The following SLC36A1 variants were observed in gnomAD, a reference collection of about 807,000 sequenced individuals.
The protein encoded by SLC36A1 is solute carrier family 36 member 1.
Under a neutral mutation model 47.5 loss-of-function variants are expected in SLC36A1, and 30 were observed. The ratio of observed to expected loss-of-function variants is 0.63; its 90% CI spans 0.47 to 0.86. SLC36A1 has a LOEUF of 0.86. Among genes scored for constraint, SLC36A1 ranks in the 40% least tolerant of loss-of-function variants. The probability of loss-of-function intolerance (pLI) is 0.00; values close to 1 mark genes in which losing one functional copy is unlikely to be tolerated. For synonymous variants in SLC36A1, 255 were observed against 249.7 expected (o/e 1.02, Z -0.20); for missense variants, 517 against 606.0 (o/e 0.85, Z 1.54).
upstream of SLC36A1, among the ~76,000 whole-genome samples, chr5:151,436,332 A>G (rs1759776299): frequency 6.6e-6 from 1 of 152,154 alleles, no homozygotes; most frequent in Admixed American, 6.5e-5. Context: ...TTAATGAGAT[A>G]ATACAGCATG....
At chr5:151,421,836 C>T in the SLC36A1 span, among the ~76,000 whole-genome samples, 1,005 of 152,138 alleles carry the variant, frequency 6.6e-3, 15 homozygotes, top group East Asian at 0.027. Flanking sequence ...GTGATCCACC[C>T]GCCTCAGCCT....
chr5:151,463,428 C>A, intron 2 of SLC36A1, 125 bp from the exon 3 acceptor site: 1 of 762,706 alleles, frequency 1.3e-6, no homozygotes, highest in Non-Finnish European at 2.2e-6. Flanking sequence ...ACTGCTTCAT[C>A]ATCTATAAGA....
At chr5:151,508,284 T>C in the SLC36A1 span, among the ~76,000 whole-genome samples, 2 of 152,238 alleles carry the variant, frequency 1.3e-5, no homozygotes, top group Non-Finnish European at 2.9e-5. Flanking sequence ...GGGTTAAATG[T>C]TGTTTTCCCC....
At chr5:151,399,860 A>G in the SLC36A1 span, among the ~76,000 whole-genome samples, 133 of 152,298 alleles carry the variant, frequency 8.7e-4, no homozygotes, top group Non-Finnish European at 1.4e-3. Context: ...CAAAATAATA[A>G]TAATCATTGT....
At chr5:151,461,279 A>G (rs1755472547) in intron 2 of SLC36A1, among the ~76,000 whole-genome samples, 1 of 151,600 alleles carries the variant, frequency 6.6e-6, no homozygotes, top group Non-Finnish European at 1.5e-5. Flanking sequence ...CATGAGCACC[A>G]TGCCTGACCT....
chr5:151,504,976 T>A, the SLC36A1 span: 1 of 153,832 alleles, frequency 6.5e-6, no homozygotes, highest in South Asian at 2.1e-4. Flanking sequence ...CAAAGCACAG[T>A]GCCTGACGTG....
At chr5:151,477,360 G>A (rs1758213016) in intron 9 of SLC36A1, 1 of 160,108 alleles carries the variant, frequency 6.2e-6, no homozygotes, top group Admixed American at 6.2e-5. Context: ...CTTGTTGAGT[G>A]CTCTGCGGAT....
At chr5:151,528,141 G>A in the SLC36A1 span, 1 of 1,613,082 alleles carries the variant, frequency 6.2e-7, no homozygotes, top group Non-Finnish European at 8.5e-7. Flanking sequence ...TACCTGCGGT[G>A]GGGTAGGGGG....
At chr5:151,509,542 A>C in the SLC36A1 span, 1 of 153,330 alleles carries the variant, frequency 6.5e-6, no homozygotes, top group South Asian at 2.0e-4. Flanking sequence ...CTGGAGCACA[A>C]ACCCTGTTGT....
At chr5:151,406,281 G>A in the SLC36A1 span, among the ~76,000 whole-genome samples, 2 of 152,206 alleles carry the variant, frequency 1.3e-5, no homozygotes, top group Non-Finnish European at 2.9e-5. Flanking sequence ...TTCGAAGTAT[G>A]TCTGTGGATT....
At chr5:151,448,052 C>T (rs1753087668) in intron 1 of SLC36A1, among the ~76,000 whole-genome samples, 1 of 152,190 alleles carries the variant, frequency 6.6e-6, no homozygotes, top group Non-Finnish European at 1.5e-5. Context: ...GGGCGTCTTT[C>T]ACGCTTCGCA....
At chr5:151,424,815 CTG>C in the SLC36A1 span, among the ~76,000 whole-genome samples, 2 of 152,188 alleles carry the variant, frequency 1.3e-5, no homozygotes, top group South Asian at 4.1e-4. Flanking sequence ...AGTGAGGAAA[CTG>C]AGGCTCAAAA....
chr5:151,397,764 C>CAAAAAAAA, the SLC36A1 span, among the ~76,000 whole-genome samples: 3 of 44,310 alleles, frequency 6.8e-5, no homozygotes, highest in African/African-American at 8.9e-5. Flanking sequence ...AACTCCAACT[C>CAAAAAAAA]AAAAAAAAAA....
At chr5:151,370,205 C>A in the SLC36A1 span, among the ~76,000 whole-genome samples, 1 of 152,244 alleles carries the variant, frequency 6.6e-6, no homozygotes, top group Admixed American at 6.5e-5. Context: ...GTATTGGAAG[C>A]AGATTATATC....
At chr5:151,547,999 A>G in the SLC36A1 span, among the ~76,000 whole-genome samples, 6 of 152,234 alleles carry the variant, frequency 3.9e-5, no homozygotes, top group Non-Finnish European at 7.3e-5. Flanking sequence ...AAATAAAGTC[A>G]TTATCTCCAT....
At chr5:151,463,513 C>T (rs1336354155) in intron 2 of SLC36A1, 40 bp from the exon 3 acceptor site, 5 of 1,421,994 alleles carry the variant, frequency 3.5e-6, no homozygotes, top group Non-Finnish European at 5.0e-6. Context: ...TAAAAGTTAA[C>T]TGTCATGGTT....
chr5:151,361,802 G>A, the SLC36A1 span, among the ~76,000 whole-genome samples: 1 of 152,102 alleles, frequency 6.6e-6, no homozygotes, highest in African/African-American at 2.4e-5. Flanking sequence ...GTTTATCTGG[G>A]AAAGACTTCT....
chr5:151,537,285 G>T, the SLC36A1 span, among the ~76,000 whole-genome samples: 1 of 149,650 alleles, frequency 6.7e-6, no homozygotes, highest in African/African-American at 2.5e-5. Context: ...GGTGGAGGAG[G>T]AGGAGGAGGA....
chr5:151,413,554 C>T, the SLC36A1 span, among the ~76,000 whole-genome samples: 5,364 of 152,124 alleles, frequency 0.035, 98 homozygotes, highest in Non-Finnish European at 0.04. Flanking sequence ...ACATAACTTT[C>T]GCCTTTTTAT....
Sources: allele counts gnomAD v4.1 joint callset (sites outside exome capture counted in the v4.1 genomes callset), GRCh38; gene constraint gnomAD v4.1.1; transcripts MANE v1.5; gene names NCBI Gene and HGNC (gene_info 2026-07-23, HGNC 2026-07-21).